The following NUP210 variants were observed in gnomAD, a reference collection of about 807,000 sequenced individuals.
The protein encoded by NUP210 is nucleoporin 210.
NUP210 carries 151 observed loss-of-function variants against 196.0 expected under a neutral mutation model. The ratio of observed to expected loss-of-function variants is 0.77; its 90% CI spans 0.67 to 0.88. The LOEUF (loss-of-function observed/expected upper bound fraction) is 0.88, where lower values mean the gene tolerates loss of function less well. NUP210 is among the 40% of genes least tolerant of loss of function. NUP210 has a pLI of 0.00. For synonymous variants in NUP210, 1,070 were observed against 1,052.7 expected (o/e 1.02, Z -0.32); for missense variants, 2,314 against 2,493.7 (o/e 0.93, Z 1.53).
intron 13 of NUP210, 110 bp from the exon 14 acceptor site, chr3:13,366,201 T>G: frequency 9.3e-7 from 1 of 1,076,832 alleles, no homozygotes; most frequent in Non-Finnish European, 1.3e-6. Context: ...TGATCTTGGC[T>G]CACTGCGACC....
intron 1 of NUP210, among the ~76,000 whole-genome samples, chr3:13,418,752 CACTCCAGCCTGGGCAACAAGGGCTGG>C (rs1700429874): frequency 2.0e-5 from 3 of 151,734 alleles, no homozygotes; most frequent in Non-Finnish European, 4.4e-5. Flanking sequence ...CGCGCCATTG[CACTCCAGCCTGGGCAACAAGGGCTGG>C]AGTGCACTCT....
chr3:13,396,352 G>C (rs1699653933), intron 3 of NUP210, among the ~76,000 whole-genome samples: 1 of 152,146 alleles, frequency 6.6e-6, no homozygotes, highest in African/African-American at 2.4e-5. Context: ...AGGTTTCAAA[G>C]ACAAAGTGAG....
Position 13,321,704 on chromosome 3 carries a change from C to T in NUP210, c.5047G>A (p.Ala1683Thr). Reference sequence around the variant, plus strand: ...AGACCTGGGCTGAAGGGCACCTCGGCCCCCACCTGCTCTGTGGAGAAGTGG... The same window carrying T: ...AGACCTGGGCTGAAGGGCACCTCGGTCCCCACCTGCTCTGTGGAGAAGTGG... ...SSHFSTEQVG[A>T]EVPFSPGLFA... Residue 1683 changes from alanine to threonine, a missense_variant, in exon 36 of 40, where the codon GCC becomes ACC. Ala to Thr is a moderately conservative substitution (Grantham distance 58). Coordinates refer to ENST00000254508, the MANE Select transcript of NUP210 (RefSeq NM_024923.4). The T allele has an allele frequency of 1.2e-6, 2 of 1,614,116 alleles. No individual in the cohort carries two copies. Among genetic ancestry groups the T allele is most frequent in the Non-Finnish European group, 1.7e-6 (2 of 1,180,030 alleles).
At position 13,352,076 on chromosome 3, in the gene NUP210, G is replaced by A. The variant is rs751352398; in HGVS notation, c.2733+4C>T. On this transcript the variant is annotated splice_donor_region_variant and intron_variant, in intron 19 of 39. Coordinates refer to ENST00000254508, the MANE Select transcript of NUP210 (RefSeq NM_024923.4). ...CCAGGAAGGTGGCAGGGCAAGGACT[G>A]TACCTGGATGCCAGGGTGGTTGTAG... The A allele has an allele frequency of 7.4e-6, 12 of 1,612,604 alleles. No homozygotes were observed. In the African/African-American group the frequency reaches 1.3e-4, roughly 18 times the overall value.
At position 13,420,068 on chromosome 3, in the gene NUP210, G is replaced by A. The variant is rs1282446269; in HGVS notation, c.159C>T (p.Cys53=). Residue 53 remains cysteine (C), a synonymous_variant, in exon 1 of 40, where the codon TGC becomes TGT. Coordinates refer to ENST00000254508, the MANE Select transcript of NUP210 (RefSeq NM_024923.4). This position sits in a 1 kb window ranked among gnomAD's most constrained non-coding sequence, Gnocchi z 4.8. ...CCGGCCGCGCGCCTCACCAGCGGTAGCAGCCCTCCGAGGCCTCCAGCGTGA... is the reference window on the plus strand; with the variant it reads ...CCGGCCGCGCGCCTCACCAGCGGTAACAGCCCTCCGAGGCCTCCAGCGTGA... ...VNFTLEASEG[C]YRWLSTRPEV... is the part of the protein sequence containing the mutation. The A allele has an allele frequency of 3.0e-6, 4 of 1,343,946 alleles. No individual in the cohort carries two copies. The highest frequency in any genetic ancestry group is 3.9e-6 in the Non-Finnish European group (4 of 1,027,202). The allele number at this position is 1,343,946 out of a possible 1,614,324, so 83.3% of individuals were successfully genotyped here. A position where few individuals can be genotyped will look rare whatever the true frequency, so the allele number is the denominator to read the frequency against.
rs1312606485 is a variant in NUP210 at position 13,353,639 on chromosome 3, T to A, written c.2543A>T (p.His848Leu). 1 of 1,614,086 alleles carries A rather than the reference T, an allele frequency of 6.2e-7. No individual in the cohort carries two copies. Among genetic ancestry groups the A allele is most frequent in the African/African-American group, 1.3e-5 (1 of 75,024 alleles). ...GATGGCTGTGGTTCCTGATGCCTCG[T>A]GAACCAAAATGGCCTGCAAACCTGA... ...KLHGLQAILV[H>L]EASGTTAITA... Residue 848 changes from histidine (H) to leucine (L), a missense_variant, in exon 18 of 40, where the codon CAC becomes CTC. By Grantham distance (99) the His-to-Leu change is moderately conservative. Transcript: ENST00000254508.
At chr3:13,380,587 G>A (rs879351083) in intron 6 of NUP210, among the ~76,000 whole-genome samples, 5 of 152,140 alleles carry the variant, frequency 3.3e-5, no homozygotes, top group East Asian at 1.9e-4. Flanking sequence ...CTAAGCCCGC[G>A]GAGCTTCCTA....
intron 13 of NUP210, among the ~76,000 whole-genome samples, chr3:13,370,300 G>A (rs553563814): frequency 6.6e-6 from 1 of 152,340 alleles, no homozygotes; most frequent in Admixed American, 6.5e-5. Flanking sequence ...GTTTTCAGAA[G>A]TCAAACTCCT....
At chr3:13,370,802 G>A (rs996672323) in intron 13 of NUP210, among the ~76,000 whole-genome samples, 4 of 152,192 alleles carry the variant, frequency 2.6e-5, no homozygotes, top group East Asian at 1.9e-4. Flanking sequence ...CAGCCACTTG[G>A]CACCACAGGC....
At chr3:13,361,960 A>C (rs1046331712) in intron 14 of NUP210, among the ~76,000 whole-genome samples, 2 of 152,058 alleles carry the variant, frequency 1.3e-5, no homozygotes, top group Non-Finnish European at 2.9e-5. Flanking sequence ...AGGGCTCAGC[A>C]CACTGGCCTC....
intron 3 of NUP210, among the ~76,000 whole-genome samples, chr3:13,396,702 G>A (rs1699666076): frequency 7.8e-6 from 1 of 127,484 alleles, no homozygotes; most frequent in African/African-American, 3.1e-5. Flanking sequence ...AGAGGTTGCA[G>A]TAAGCCAAGA....
In NUP210 at chr3:13,348,868, ACAC is replaced by A; in HGVS notation, c.2835+3008_2835+3010del. ...AAACGCTGAAGGAAGGTTTTCGAAA[ACAC>A]CCCAAACACCAAACAAAAAAACTGA... On this transcript the variant is annotated intron_variant, in intron 20 of 39. Transcript: ENST00000254508. The surrounding 1 kb of genome is among the most constrained non-coding windows in gnomAD (Gnocchi z 4.0). 1.0e-6 allele frequency: 1 copy of A among 985,300 alleles called. No individual in the cohort carries two copies. The allele number at this position is 985,300 out of a possible 1,614,324, so 61.0% of individuals were successfully genotyped here.
chr3:13,419,309 CT>C (rs990140611), intron 1 of NUP210, among the ~76,000 whole-genome samples: 10 of 152,350 alleles, frequency 6.6e-5, no homozygotes, highest in African/African-American at 2.4e-4. Flanking sequence ...TCCATTTCCC[CT>C]GGTCTGCAAA....
intron 14 of NUP210, among the ~76,000 whole-genome samples, 162 bp downstream of exon 14, chr3:13,365,784 C>T (rs77180204): frequency 1.3e-5 from 2 of 152,256 alleles, no homozygotes; most frequent in Admixed American, 6.5e-5. Context: ...GCTCCTTCCA[C>T]ATGAATCCTG....
At chr3:13,389,961 G>A (rs890264053) in intron 4 of NUP210, among the ~76,000 whole-genome samples, 8 of 152,166 alleles carry the variant, frequency 5.3e-5, no homozygotes, top group East Asian at 1.9e-4. Context: ...CTTCACAAGC[G>A]TTGTGGTGTC....
At chr3:13,355,692 T>C (rs1433706393) in intron 16 of NUP210, among the ~76,000 whole-genome samples, 1 of 152,226 alleles carries the variant, frequency 6.6e-6, no homozygotes, top group Admixed American at 6.5e-5. Context: ...ATCCACACCC[T>C]GCTCTGAGTA....
chr3:13,361,082 T>C (rs968077058), intron 14 of NUP210, among the ~76,000 whole-genome samples: 21 of 152,190 alleles, frequency 1.4e-4, no homozygotes, highest in Non-Finnish European at 2.9e-5. Flanking sequence ...TAAAGAGATA[T>C]CCACCAGGTG....
chr3:13,367,681 C>T (rs1417882586), intron 13 of NUP210, among the ~76,000 whole-genome samples: 1 of 152,228 alleles, frequency 6.6e-6, no homozygotes, highest in Non-Finnish European at 1.5e-5. Context: ...GGGCATAACT[C>T]TTTTGTGCCT....
rs893626919 is a variant in NUP210 at position 13,350,649 on chromosome 3, A to G, written c.2835+1230T>C. 3.3e-5 allele frequency among the ~76,000 whole-genome samples: 5 copies of G among 152,020 alleles called. No individual in the cohort carries two copies. The highest frequency in any genetic ancestry group is 5.9e-5 in the Non-Finnish European group (4 of 68,014). ...ATAACAATCTCATATCAAACAGCGA[A>G]TATCAATAAAGGGGAAAAGTTACAG... On this transcript the variant is annotated intron_variant, in intron 20 of 39. Transcript: ENST00000254508. This position sits in a 1 kb window ranked among gnomAD's most constrained non-coding sequence, Gnocchi z 4.1.
Sources: allele counts gnomAD v4.1 joint callset (sites outside exome capture counted in the v4.1 genomes callset), GRCh38; gene constraint gnomAD v4.1.1; non-coding constraint Gnocchi (gnomAD v3.1); transcripts MANE v1.5; gene names NCBI Gene and HGNC (gene_info 2026-07-23, HGNC 2026-07-21).